Variants in PNN observed in about 807,000 individuals in gnomAD.
The protein encoded by PNN is pinin, desmosome associated protein.
In PNN, 38 loss-of-function variants were observed where a neutral mutation model predicts 76.6. The ratio of observed to expected loss-of-function variants is 0.50; its 90% CI spans 0.38 to 0.65. The LOEUF is 0.65. Ranked by LOEUF, PNN falls within the 30% of genes least tolerant of loss-of-function variation. The probability of loss-of-function intolerance (pLI) is 0.00; values close to 1 mark genes in which losing one functional copy is unlikely to be tolerated. For synonymous variants in PNN, 366 were observed against 283.7 expected (o/e 1.29, Z -2.91); for missense variants, 873 against 874.1 (o/e 1.00, Z 0.02).
chr14:39,179,132 G>C lies in PNN; in HGVS notation c.540G>C (p.Gln180His). The change falls in exon 7 of 9, where the codon CAG (glutamine) becomes CAC (histidine). Residue 180 changes from glutamine to histidine, a missense_variant. Gln to His is a conservative substitution (Grantham distance 24). Transcript: ENST00000216832. Reference sequence around the variant, plus strand: ...AAATTGAACAAAAACTTGAAGTTCAGGCAGAAGAAGAGAGAAAGCAGGTTG... The same window carrying C: ...AAATTGAACAAAAACTTGAAGTTCACGCAGAAGAAGAGAGAAAGCAGGTTG... ...RQEIEQKLEV[Q>H]AEEERKQVEN... The C allele has an allele frequency of 6.2e-7, 1 of 1,613,656 alleles. No homozygotes were observed. Among genetic ancestry groups the C allele is most frequent in the Non-Finnish European group, 8.5e-7 (1 of 1,179,942 alleles).
chr14:39,175,485 G>A (rs1398208885), intron 1 of PNN, 93 bp downstream of exon 1: 2 of 783,344 alleles, frequency 2.6e-6, no homozygotes, highest in African/African-American at 3.5e-5. Context: ...CCAGCCTTAA[G>A]AAGACTGGAA....
At chr14:39,178,577 CT>C (rs2053246746) in intron 6 of PNN, among the ~76,000 whole-genome samples, 1 of 148,790 alleles carries the variant, frequency 6.7e-6, no homozygotes, top group Non-Finnish European at 1.5e-5. Context: ...TTTTTTTTTT[CT>C]TTTTCTTTTT....
At chr14:39,176,370 TATAAA>T (rs773882921) in intron 2 of PNN, 152 bp from the exon 3 acceptor site, 7 of 653,292 alleles carry the variant, frequency 1.1e-5, no homozygotes, top group Non-Finnish European at 1.9e-5. Context: ...ACTTAATTCT[TATAAA>T]GTAACACTAT....
chr14:39,177,385 C>CA lies in PNN; in HGVS notation c.255-20dup, dbSNP rs773151046. 8.2e-6 allele frequency: 13 copies of CA among 1,590,856 alleles called. No homozygotes were observed. The African/African-American group carries it at 1.2e-4, about 15-fold the overall frequency. On this transcript the variant is annotated intron_variant, in intron 3 of 8. Coordinates refer to ENST00000216832, the MANE Select transcript of PNN (RefSeq NM_002687.4). ...TGGGTGGTATAGTGAAACCCTGTCTCAAAAAAATTAATATTTTCTATGACA... is the reference window on the plus strand; with the variant it reads ...TGGGTGGTATAGTGAAACCCTGTCTCAAAAAAAATTAATATTTTCTATGACA...
chr14:39,176,009 C>T, intron 1 of PNN, 69 bp from the exon 2 acceptor site: 1 of 809,564 alleles, frequency 1.2e-6, no homozygotes. Flanking sequence ...ATCCACATCT[C>T]TGAAAGTATT....
In PNN at chr14:39,181,838, C is replaced by A. The variant is rs140746228; in HGVS notation, c.2129C>A (p.Ser710Ter). 1 of 1,598,464 alleles carries A rather than the reference C, an allele frequency of 6.3e-7. No individual in the cohort carries two copies. The highest frequency in any genetic ancestry group is 1.4e-5 in the African/African-American group (1 of 73,836). The change falls in exon 9 of 9, where the codon TCA becomes TAA. Residue 710 changes from serine to a stop codon, truncating the protein, a stop_gained. Coordinates refer to ENST00000216832, the MANE Select transcript of PNN (RefSeq NM_002687.4). LOFTEE classifies it high-confidence loss of function. ...RSSRSERDRKSDRKDKRR is the reference protein window; with the variant it reads ...RSSRSERDRK ...TCAAGAAGTGAAAGAGACCGAAAAT[C>A]AGACAGGAAAGACAAAAGGCGTTAA...
chr14:39,175,767 A>C, intron 1 of PNN: 1 of 470,250 alleles, frequency 2.1e-6, no homozygotes, highest in African/African-American at 2.0e-5. Context: ...GGGACGCAAC[A>C]AGCCGCCTTA....
In PNN at chr14:39,181,901, A is replaced by G. The variant is rs764689971; in HGVS notation, c.*38A>G. 9.9e-6 allele frequency: 15 copies of G among 1,520,780 alleles called. No individual in the cohort carries two copies. Among genetic ancestry groups the G allele is most frequent in the East Asian group, 2.3e-5 (1 of 44,240 alleles). 94.2% of individuals were successfully genotyped at this position (1,520,780 alleles called of 1,614,324 possible). On this transcript the variant is annotated 3_prime_UTR_variant, in exon 9 of 9. Transcript: ENST00000216832. ...GGCTTTCTTAGCCATTCTTTGCAGC[A>G]GAAGATTTCTTGATAAAAAAGGATT...
In PNN at chr14:39,181,517, G is replaced by C; in HGVS notation, c.1808G>C (p.Ser603Thr). ...GSSSSSGSSS[S>T]RSSSSSSSST... ...AGTTCCAGCAGTGGAAGTAGTAGCA[G>C]TCGCAGTAGTTCCAGTAGCAGCTCC... The change falls in exon 9 of 9, where the codon AGT becomes ACT. Residue 603 changes from serine to threonine, a missense_variant. By Grantham distance (58) the Ser-to-Thr change is moderately conservative. Coordinates refer to ENST00000216832, the MANE Select transcript of PNN (RefSeq NM_002687.4). The C allele has an allele frequency of 6.2e-7, 1 of 1,600,344 alleles. No individual in the cohort carries two copies. The highest frequency in any genetic ancestry group is 8.5e-7 in the Non-Finnish European group (1 of 1,173,466).
At position 39,175,285 on chromosome 14, in the gene PNN, G is replaced by A. The variant is rs757540963; in HGVS notation, c.6G>A (p.Ala2=). The A allele has an allele frequency of 2.5e-6, 4 of 1,594,996 alleles. No homozygotes were observed. The highest frequency in any genetic ancestry group is 1.3e-5 in the African/African-American group (1 of 74,288). The change falls in exon 1 of 9, where the codon GCG becomes GCA. Residue 2 remains alanine, a synonymous_variant. Coordinates refer to ENST00000216832, the MANE Select transcript of PNN (RefSeq NM_002687.4). Reference sequence around the variant, plus strand: ...AAGCCTGCCGCAGGGAGAAGATGGCGGTCGCCGTGAGAACTTTGCAGGAAC... The same window carrying A: ...AAGCCTGCCGCAGGGAGAAGATGGCAGTCGCCGTGAGAACTTTGCAGGAAC... The part of the protein sequence containing the change: M[A]VAVRTLQEQL...
intron 1 of PNN, 136 bp from the exon 2 acceptor site, chr14:39,175,942 C>T (rs2053219643): frequency 4.8e-6 from 3 of 623,176 alleles, no homozygotes; most frequent in African/African-American, 1.9e-5. Flanking sequence ...CTGTTTCAGA[C>T]ATTTAGATTT....
Position 39,176,598 on chromosome 14 carries a change from A to G in PNN, c.254+3A>G, listed in dbSNP as rs1186374979. 2 of 1,585,646 alleles carry G rather than the reference A, an allele frequency of 1.3e-6. No homozygotes were observed. The highest frequency in any genetic ancestry group is 2.2e-5 in the East Asian group (1 of 44,586). On this transcript the variant is annotated splice_donor_region_variant and intron_variant, in intron 3 of 8. Coordinates refer to ENST00000216832, the MANE Select transcript of PNN (RefSeq NM_002687.4). ...GACCTTGAAGGGGCAGTCAGTAGGT[A>G]GGTTTAAAAAAAGATTCCTGAAGGC...
In PNN at chr14:39,180,736, G is replaced by T. The variant is rs2053263084; in HGVS notation, c.1027G>T (p.Ala343Ser). 6 of 1,596,532 alleles carry T rather than the reference G, an allele frequency of 3.8e-6. No homozygotes were observed. The highest frequency in any genetic ancestry group is 5.1e-6 in the Non-Finnish European group (6 of 1,170,438). The change falls in exon 9 of 9, where the codon GCG becomes TCG. Residue 343 changes from alanine (A) to serine (S), a missense_variant. Transcript: ENST00000216832. ...EAGEEEEKEI[A>S]IVHSDAEKEQ... ...AGGAGAGGAAGAGGAAAAGGAAATAGCGATTGTTCATAGTGATGCAGAGAA... is the reference window on the plus strand; with the variant it reads ...AGGAGAGGAAGAGGAAAAGGAAATATCGATTGTTCATAGTGATGCAGAGAA...
chr14:39,179,331 A>G lies in PNN; in HGVS notation c.662A>G (p.Glu221Gly), dbSNP rs1329080554. ...QKVELAQLQE[E>G]WNEHNAKIIK... Reference sequence around the variant, plus strand: ...CCTTTACCTTTTCTTTAGCAAGAAGAATGGAATGAACATAATGCCAAAATA... The same window carrying G: ...CCTTTACCTTTTCTTTAGCAAGAAGGATGGAATGAACATAATGCCAAAATA... The change falls in exon 8 of 9, where the codon GAA becomes GGA. Residue 221 changes from glutamate to glycine, a missense_variant. By Grantham distance (98) the Glu-to-Gly change is moderately conservative. Coordinates refer to ENST00000216832, the MANE Select transcript of PNN (RefSeq NM_002687.4). 1 of 1,609,544 alleles carries G rather than the reference A, an allele frequency of 6.2e-7. No individual in the cohort carries two copies. The highest frequency in any genetic ancestry group is 1.3e-5 in the African/African-American group (1 of 74,410).
chr14:39,176,061 T>G lies in PNN; in HGVS notation c.114-17T>G, dbSNP rs55880223. ...TGTCTACATATGATTTTGCACTGAT[T>G]TGTAAATCTTTTACAGGCCCATCCA... On this transcript the variant is annotated splice_polypyrimidine_tract_variant and intron_variant, in intron 1 of 8. Transcript: ENST00000216832. 1.3e-6 allele frequency: 2 copies of G among 1,507,256 alleles called. No homozygotes were observed. Among genetic ancestry groups the G allele is most frequent in the South Asian group, 2.3e-5 (2 of 88,644 alleles). 93.4% of individuals were successfully genotyped at this position (1,507,256 alleles called of 1,614,324 possible). A position where few individuals can be genotyped will look rare whatever the true frequency, so the allele number is the denominator to read the frequency against.
rs149239275 is a variant in PNN, at chr14:39,179,452, A to G, written c.783A>G (p.Arg261=). 2.0e-5 allele frequency: 33 copies of G among 1,611,528 alleles called. No individual in the cohort carries two copies. The African/African-American group carries it at 4.1e-4, about 20-fold the overall frequency. ...ATQKLIEESQ[R]KMNALFEGRR... The stretch of plus-strand genomic sequence containing the variant: ...AAAAACTAATAGAAGAGTCACAGAG[A>G]AAAATGAACGGTAAGTATGCGAAGA... The change falls in exon 8 of 9, where the codon AGA becomes AGG. Residue 261 remains arginine (R), a synonymous_variant. Transcript: ENST00000216832.
rs148479113 is a variant in PNN, at chr14:39,180,558, T to C, written c.849T>C (p.Ala283=). 1.2e-4 allele frequency: 193 copies of C among 1,610,662 alleles called. No homozygotes were observed. The highest frequency in any genetic ancestry group is 8.3e-4 in the Middle Eastern group (5 of 6,044). The change falls in exon 9 of 9, where the codon GCT becomes GCC. Residue 283 remains alanine, a synonymous_variant. Coordinates refer to ENST00000216832, the MANE Select transcript of PNN (RefSeq NM_002687.4). ...CAGAACAAATAAATAAAATGGAGGCTAGGCCTAGAAGACAATCAATGAAGG... is the reference window on the plus strand; with the variant it reads ...CAGAACAAATAAATAAAATGGAGGCCAGGCCTAGAAGACAATCAATGAAGG... ...EFAEQINKME[A]RPRRQSMKEK...
Position 39,175,273 on chromosome 14 carries a change from G to C in PNN, c.-7G>C. 1.3e-6 allele frequency: 2 copies of C among 1,570,752 alleles called. No homozygotes were observed. Among genetic ancestry groups the C allele is most frequent in the Non-Finnish European group, 1.7e-6 (2 of 1,144,962 alleles). ...TAAAGCAGTCTCAAGCCTGCCGCAG[G>C]GAGAAGATGGCGGTCGCCGTGAGAA... On this transcript the variant is annotated 5_prime_UTR_variant, in exon 1 of 9. Transcript: ENST00000216832.
In PNN at chr14:39,181,616, G is replaced by C; in HGVS notation, c.1907G>C (p.Arg636Thr). The change falls in exon 9 of 9, where the codon AGG becomes ACG. Residue 636 changes from arginine (R) to threonine (T), a missense_variant. Arg to Thr is a moderately conservative substitution (Grantham distance 71). This residue lies in a region of PNN where 712 missense variants were observed against 693.1 expected (regional missense o/e 1.03). Coordinates refer to ENST00000216832, the MANE Select transcript of PNN (RefSeq NM_002687.4). ...SSSSESRSRSRGRGHNRDRKH... is the reference protein window; with the variant it reads ...SSSSESRSRSTGRGHNRDRKH... ...AGTAGTGAGAGTAGAAGTCGGAGTAGGGGCCGGGGACATAATAGAGATAGA... is the reference window on the plus strand; with the variant it reads ...AGTAGTGAGAGTAGAAGTCGGAGTACGGGCCGGGGACATAATAGAGATAGA... The C allele has an allele frequency of 6.2e-7, 1 of 1,614,120 alleles. No individual in the cohort carries two copies. The highest frequency in any genetic ancestry group is 8.5e-7 in the Non-Finnish European group (1 of 1,180,024).
Sources: gnomAD v4.1 joint callset for allele counts (sites outside exome capture counted in the v4.1 genomes callset) on GRCh38, gnomAD v4.1.1 for gene constraint, gnomAD v4.1.1 regional missense constraint, MANE v1.5 for transcripts, NCBI Gene and HGNC (gene_info 2026-07-23, HGNC 2026-07-21) for gene names.